Variants in OPCML observed in about 807,000 individuals in gnomAD.
OPCML encodes opioid binding protein/cell adhesion molecule like.
In OPCML, 13 loss-of-function variants were observed where a neutral mutation model predicts 37.8. That is an observed-to-expected ratio of 0.34 (90% CI 0.22 to 0.55). OPCML has a LOEUF of 0.55. Among genes scored for constraint, OPCML ranks in the 20% least tolerant of loss-of-function variants. OPCML has a pLI of 0.91. For synonymous variants in OPCML, 176 were observed against 168.8 expected (o/e 1.04, Z -0.33); for missense variants, 341 against 435.6 (o/e 0.78, Z 1.93).
intron 1 of OPCML, among the ~76,000 whole-genome samples, chr11:133,441,535 A>G (rs908708361): frequency 1.3e-5 from 2 of 152,152 alleles, no homozygotes; most frequent in Non-Finnish European, 2.9e-5. Context: ...TGCAAACCAT[A>G]CATTTTATAA....
intron 1 of OPCML, among the ~76,000 whole-genome samples, chr11:133,280,126 A>T (rs1438621489): frequency 6.6e-6 from 1 of 152,228 alleles, no homozygotes; most frequent in Admixed American, 6.5e-5. Context: ...GTTTATAATC[A>T]TCAGGCAAAA....
At chr11:133,119,121 C>T (rs1461636770) in intron 1 of OPCML, among the ~76,000 whole-genome samples, 1 of 152,064 alleles carries the variant, frequency 6.6e-6, no homozygotes, top group Non-Finnish European at 1.5e-5. Context: ...GCAACTTCTA[C>T]AGCCATCGTG....
chr11:132,735,047 C>A (rs1945207830), intron 2 of OPCML, among the ~76,000 whole-genome samples: 2 of 152,040 alleles, frequency 1.3e-5, no homozygotes, highest in Admixed American at 1.3e-4. Flanking sequence ...TGAAGGTGTA[C>A]CTAAGTTTTT....
intron 1 of OPCML, among the ~76,000 whole-genome samples, chr11:133,158,772 A>AT (rs1950103422): frequency 2.0e-5 from 3 of 149,576 alleles, no homozygotes; most frequent in African/African-American, 7.5e-5. Flanking sequence ...ATTAAAAAAA[A>AT]TTTCTAGGAG....
At chr11:133,221,051 C>A (rs1188577272) in intron 1 of OPCML, among the ~76,000 whole-genome samples, 1 of 152,174 alleles carries the variant, frequency 6.6e-6, no homozygotes, top group African/African-American at 2.4e-5. Flanking sequence ...GTTTTTAGAT[C>A]CCCAAACTAT....
At chr11:133,030,088 G>A (rs1357349665) in intron 1 of OPCML, among the ~76,000 whole-genome samples, 1 of 152,132 alleles carries the variant, frequency 6.6e-6, no homozygotes, top group Non-Finnish European at 1.5e-5. Flanking sequence ...GATCTGGGGA[G>A]AAATGCCCTC....
intron 1 of OPCML, among the ~76,000 whole-genome samples, chr11:133,110,764 G>A (rs1051679218): frequency 6.6e-6 from 1 of 152,140 alleles, no homozygotes; most frequent in African/African-American, 2.4e-5. Context: ...CTAGATATAA[G>A]AGTCAGGTGG....
At chr11:132,444,987 G>A (rs941786021) in intron 4 of OPCML, among the ~76,000 whole-genome samples, 6 of 152,206 alleles carry the variant, frequency 3.9e-5, no homozygotes, top group Admixed American at 2.0e-4. Context: ...GAGGCCAAGC[G>A]CCTGGTCAAT....
chr11:132,636,170 C>G (rs1411518736), intron 3 of OPCML, among the ~76,000 whole-genome samples: 1 of 151,896 alleles, frequency 6.6e-6, no homozygotes, highest in African/African-American at 2.4e-5. Flanking sequence ...TAAAATTGTT[C>G]TAAATTATCT....
intron 1 of OPCML, among the ~76,000 whole-genome samples, chr11:133,357,458 T>C (rs530421486): frequency 6.6e-6 from 1 of 152,300 alleles, no homozygotes; most frequent in South Asian, 2.1e-4. Context: ...TGGGAAAACG[T>C]TTATCTGCAG....
At chr11:133,148,478 C>A (rs1280845341) in intron 1 of OPCML, among the ~76,000 whole-genome samples, 2 of 152,230 alleles carry the variant, frequency 1.3e-5, no homozygotes, top group African/African-American at 2.4e-5. Context: ...GTATCGCTGG[C>A]TGTTGGTTTT....
chr11:132,991,667 A>G (rs898998457), intron 1 of OPCML, among the ~76,000 whole-genome samples: 1 of 152,182 alleles, frequency 6.6e-6, no homozygotes. Context: ...GGCCTTCAAC[A>G]CAGCCCTAAA....
At chr11:133,414,691 G>C (rs1243771893) in intron 1 of OPCML, among the ~76,000 whole-genome samples, 6 of 152,104 alleles carry the variant, frequency 3.9e-5, no homozygotes, top group Non-Finnish European at 8.8e-5. Flanking sequence ...ATGAAACCCA[G>C]TTAACAGCTT....
chr11:133,215,376 GCCAC>G (rs1467502515), intron 1 of OPCML, among the ~76,000 whole-genome samples: 2 of 152,122 alleles, frequency 1.3e-5, no homozygotes, highest in African/African-American at 2.4e-5. Context: ...TTATGTTGTT[GCCAC>G]CTATTCTTAT....
intron 2 of OPCML, among the ~76,000 whole-genome samples, chr11:132,884,377 G>C (rs1027522014): frequency 6.6e-6 from 1 of 152,208 alleles, no homozygotes; most frequent in South Asian, 2.1e-4. Context: ...TGAGGCAACT[G>C]TCTGTGGTGG....
intron 2 of OPCML, among the ~76,000 whole-genome samples, chr11:132,853,715 G>T (rs1228340894): frequency 2.0e-5 from 3 of 152,112 alleles, no homozygotes; most frequent in African/African-American, 7.2e-5. Flanking sequence ...TTCATGGCTG[G>T]TTTCTTTCAC....
intron 4 of OPCML, among the ~76,000 whole-genome samples, chr11:132,441,177 T>TG (rs2096032720): frequency 1.7e-5 from 2 of 119,088 alleles, no homozygotes; most frequent in African/African-American, 6.6e-5. Flanking sequence ...TTTTTTTTTT[T>TG]TTTTTTTTGA....
At chr11:132,473,998 C>G (rs559973862) in intron 4 of OPCML, among the ~76,000 whole-genome samples, 2 of 152,192 alleles carry the variant, frequency 1.3e-5, no homozygotes, top group African/African-American at 4.8e-5. Flanking sequence ...TGCCAGGCCT[C>G]AGGTATGTAG....
intron 4 of OPCML, among the ~76,000 whole-genome samples, chr11:132,516,683 C>T (rs1020824041): frequency 2.9e-5 from 4 of 139,044 alleles, no homozygotes; most frequent in Non-Finnish European, 4.6e-5. Context: ...TAAAGTTTTT[C>T]CAGAGTAATG....
Sources: gnomAD v4.1 joint callset for allele counts (sites outside exome capture counted in the v4.1 genomes callset) on GRCh38, gnomAD v4.1.1 for gene constraint, MANE v1.5 for transcripts, NCBI Gene and HGNC (gene_info 2026-07-23, HGNC 2026-07-21) for gene names.